The following KLF12 variants were observed in gnomAD, a reference collection of about 807,000 sequenced individuals.
KLF12 encodes the protein Krueppel-like factor 12.
KLF12 carries 9 observed loss-of-function variants against 37.8 expected under a neutral mutation model. That is an observed-to-expected ratio of 0.24 (90% CI 0.14 to 0.42). KLF12 has a LOEUF of 0.42. KLF12 is among the 10% of genes least tolerant of loss of function. The pLI is 1.00. For synonymous variants in KLF12, 208 were observed against 202.1 expected (o/e 1.03, Z -0.25); for missense variants, 411 against 516.0 (o/e 0.80, Z 1.97).
At chr13:74,012,087 T>C (rs1309494930) in intron 1 of KLF12, among the ~76,000 whole-genome samples, 2 of 152,240 alleles carry the variant, frequency 1.3e-5, no homozygotes, top group Non-Finnish European at 2.9e-5. Flanking sequence ...TAATCTAGCA[T>C]TTAATGCATC....
the KLF12 span, among the ~76,000 whole-genome samples, chr13:74,234,451 C>T: frequency 6.6e-6 from 1 of 152,156 alleles, no homozygotes; most frequent in African/African-American, 2.4e-5. Context: ...GAAGGACTAC[C>T]TTACTTACAT....
At chr13:73,943,345 T>C (rs1444046884) in intron 3 of KLF12, among the ~76,000 whole-genome samples, 3 of 152,156 alleles carry the variant, frequency 2.0e-5, no homozygotes, top group African/African-American at 4.8e-5. Flanking sequence ...ACTAAACCAG[T>C]GAAGCCATAA....
intron 3 of KLF12, among the ~76,000 whole-genome samples, chr13:73,869,019 AATT>A (rs1427509083): frequency 1.3e-5 from 2 of 152,130 alleles, no homozygotes; most frequent in Non-Finnish European, 1.5e-5. Flanking sequence ...TGGGCATATA[AATT>A]ATTATTTCTT....
chr13:73,938,211 A>G (rs980098394), intron 3 of KLF12, among the ~76,000 whole-genome samples: 2 of 152,180 alleles, frequency 1.3e-5, no homozygotes, highest in East Asian at 3.9e-4. Context: ...TTAAAGTAAC[A>G]CTGTCTTACT....
chr13:74,293,988 GT>G, the KLF12 span, among the ~76,000 whole-genome samples: 2 of 152,110 alleles, frequency 1.3e-5, no homozygotes, highest in Non-Finnish European at 2.9e-5. Flanking sequence ...CTCAATGTTA[GT>G]TGTCTTAGAT....
intron 5 of KLF12, among the ~76,000 whole-genome samples, chr13:73,785,106 T>C (rs576671716): frequency 1.3e-3 from 192 of 144,352 alleles, no homozygotes; most frequent in Non-Finnish European, 1.9e-3. Flanking sequence ...CAATAAATGA[T>C]GTAATTATCT....
At chr13:74,090,861 A>T (rs1020222368) in intron 1 of KLF12, among the ~76,000 whole-genome samples, 14 of 152,034 alleles carry the variant, frequency 9.2e-5, no homozygotes, top group African/African-American at 3.4e-4. Context: ...CCAATTCATT[A>T]AAAAACATAA....
the KLF12 span, among the ~76,000 whole-genome samples, chr13:74,277,664 A>G: frequency 6.6e-6 from 1 of 152,314 alleles, no homozygotes; most frequent in African/African-American, 2.4e-5. Context: ...TGAATTCTAT[A>G]GGGCTATTCC....
At chr13:74,120,256 C>A (rs767038760) in intron 1 of KLF12, among the ~76,000 whole-genome samples, 1 of 152,106 alleles carries the variant, frequency 6.6e-6, no homozygotes, top group Non-Finnish European at 1.5e-5. Context: ...CCAAGGTGGG[C>A]GGATCACCTG....
At chr13:74,064,848 A>G (rs900439732) in intron 1 of KLF12, among the ~76,000 whole-genome samples, 18 of 152,348 alleles carry the variant, frequency 1.2e-4, no homozygotes, top group African/African-American at 4.3e-4. Flanking sequence ...ACAAAGTCAC[A>G]CAGGTACTAA....
intron 1 of KLF12, among the ~76,000 whole-genome samples, chr13:74,051,164 C>T (rs1300210191): frequency 6.6e-6 from 1 of 152,166 alleles, no homozygotes; most frequent in Non-Finnish European, 1.5e-5. Context: ...ATATGATCTA[C>T]CAATCCCACT....
chr13:73,904,335 T>C (rs1888171860), intron 3 of KLF12, among the ~76,000 whole-genome samples: 1 of 152,224 alleles, frequency 6.6e-6, no homozygotes, highest in Non-Finnish European at 1.5e-5. Context: ...AAAAATCTTT[T>C]AAGTTCTGTT....
At chr13:73,894,849 T>A (rs1887686405) in intron 3 of KLF12, among the ~76,000 whole-genome samples, 1 of 152,184 alleles carries the variant, frequency 6.6e-6, no homozygotes. Context: ...TTTTTTAGTA[T>A]TTTTATAAGG....
At chr13:74,087,473 A>G (rs923876798) in intron 1 of KLF12, among the ~76,000 whole-genome samples, 2 of 152,154 alleles carry the variant, frequency 1.3e-5, no homozygotes, top group Non-Finnish European at 2.9e-5. Flanking sequence ...CTCAGAGTCA[A>G]GGACAGCTGC....
At chr13:73,869,261 GT>G (rs1317253501) in intron 3 of KLF12, among the ~76,000 whole-genome samples, 1 of 152,066 alleles carries the variant, frequency 6.6e-6, no homozygotes, top group Non-Finnish European at 1.5e-5. Flanking sequence ...TTCAGAGTAA[GT>G]TTTCTCTTTT....
intron 2 of KLF12, among the ~76,000 whole-genome samples, chr13:73,980,222 T>C (rs1360640155): frequency 6.6e-6 from 1 of 152,192 alleles, no homozygotes; most frequent in Non-Finnish European, 1.5e-5. Context: ...CCTGGTCTTA[T>C]TACCATTAAA....
At chr13:73,838,058 A>G (rs990608182) in intron 4 of KLF12, among the ~76,000 whole-genome samples, 2 of 152,204 alleles carry the variant, frequency 1.3e-5, no homozygotes, top group Admixed American at 6.5e-5. Flanking sequence ...ACAAGTGAGA[A>G]CGCTGGCGAC....
At chr13:74,187,751 G>T in the KLF12 span, among the ~76,000 whole-genome samples, 2 of 152,116 alleles carry the variant, frequency 1.3e-5, no homozygotes, top group African/African-American at 4.8e-5. Context: ...GACTCAGCAA[G>T]CCTTCATTCT....
At chr13:74,292,264 C>T in the KLF12 span, among the ~76,000 whole-genome samples, 3 of 152,226 alleles carry the variant, frequency 2.0e-5, no homozygotes, top group Admixed American at 2.0e-4. Context: ...GAGTTCAAAT[C>T]CCAACTCCAA....
Sources: allele counts gnomAD v4.1 joint callset (sites outside exome capture counted in the v4.1 genomes callset), GRCh38; gene constraint gnomAD v4.1.1; transcripts MANE v1.5; gene names NCBI Gene and HGNC (gene_info 2026-07-23, HGNC 2026-07-21).